PCDH15: variants seen among roughly 807,000 people sequenced by gnomAD.
PCDH15 encodes the protein protocadherin-15.
A neutral mutation model predicts 178.5 loss-of-function variants in PCDH15; 129 were observed. The observed-to-expected ratio is 0.72, with a 90% confidence interval of 0.63 to 0.84. The LOEUF is 0.84. Among genes scored for constraint, PCDH15 ranks in the 40% least tolerant of loss-of-function variants. The pLI is 0.00. For synonymous variants in PCDH15, 800 were observed against 732.0 expected, an observed-to-expected ratio of 1.09 and a Z score of -1.50; for missense variants, 2,230 against 2,099.9, an observed-to-expected ratio of 1.06 and a Z score of -1.21.
chr10:54,616,066 T>G (rs1331782494), intron 2 of PCDH15, among the ~76,000 whole-genome samples: 1 of 152,060 alleles, frequency 6.6e-6, no homozygotes, highest in Non-Finnish European at 1.5e-5. Flanking sequence ...AGAAATAAAT[T>G]TTGATATTTT....
chr10:54,411,152 G>A (rs1311172627), intron 3 of PCDH15, among the ~76,000 whole-genome samples: 1 of 152,104 alleles, frequency 6.6e-6, no homozygotes, highest in East Asian at 1.9e-4. Flanking sequence ...GACCCATGAT[G>A]CTTGGGTGGG....
At chr10:53,895,054 T>C (rs977673402) in intron 26 of PCDH15, among the ~76,000 whole-genome samples, 8 of 152,158 alleles carry the variant, frequency 5.3e-5, no homozygotes, top group African/African-American at 1.9e-4. Context: ...ATTAAAGAGA[T>C]GCTACTTGGG....
intron 3 of PCDH15, among the ~76,000 whole-genome samples, chr10:54,879,998 C>A (rs1164691898): frequency 6.6e-6 from 1 of 152,102 alleles, no homozygotes; most frequent in African/African-American, 2.4e-5. Context: ...CCTATCTACA[C>A]TGTGATCACT....
intron 2 of PCDH15, among the ~76,000 whole-genome samples, chr10:55,386,011 T>C (rs1286988027): frequency 4.6e-5 from 7 of 151,698 alleles, no homozygotes; most frequent in Admixed American, 4.6e-4. Context: ...ATATTAACAA[T>C]GACAGTGAAT....
chr10:54,383,559 AT>A (rs1419504402), intron 3 of PCDH15, among the ~76,000 whole-genome samples: 1 of 150,430 alleles, frequency 6.6e-6, no homozygotes, highest in Non-Finnish European at 1.5e-5. Context: ...ATATTTTATT[AT>A]TTTCAGGCCA....
At chr10:54,810,648 A>C (rs921035641) in intron 3 of PCDH15, among the ~76,000 whole-genome samples, 11 of 152,162 alleles carry the variant, frequency 7.2e-5, no homozygotes, top group Admixed American at 2.6e-4. Flanking sequence ...AACAAGTGTC[A>C]ACCCCTAGAG....
intron 21 of PCDH15, among the ~76,000 whole-genome samples, chr10:53,978,618 C>T (rs117309297): frequency 0.027 from 4,031 of 151,038 alleles, 67 homozygotes; most frequent in Non-Finnish European, 0.04. Flanking sequence ...ATTACTTACG[C>T]AAATTTCTGC....
At position 54,231,654 on chromosome 10, in the gene PCDH15, A is replaced by G. The variant is rs139928029; in HGVS notation, c.985+5169T>C. ...AAACACCAGCCCATGAAATCAGCCAATGGGGCTGTACTGTGCAAAGCCACA... is the reference window on the plus strand; with the variant it reads ...AAACACCAGCCCATGAAATCAGCCAGTGGGGCTGTACTGTGCAAAGCCACA... On this transcript the variant is annotated intron_variant, in intron 9 of 37. Coordinates refer to ENST00000644397, the MANE Select transcript of PCDH15 (RefSeq NM_001384140.1). Among the ~76,000 whole-genome samples, 6 of 152,274 alleles carry G rather than the reference A, an allele frequency of 3.9e-5. No homozygotes were observed. The East Asian group carries it at 7.7e-4, about 20-fold the overall frequency.
intron 20 of PCDH15, among the ~76,000 whole-genome samples, chr10:54,010,231 C>T (rs866910280): frequency 1.4e-5 from 2 of 143,258 alleles, no homozygotes; most frequent in Admixed American, 1.4e-4. Context: ...CCCAACACAG[C>T]GCAGTTTCCT....
At chr10:54,231,084 T>A (rs1349399868) in intron 9 of PCDH15, among the ~76,000 whole-genome samples, 1 of 152,014 alleles carries the variant, frequency 6.6e-6, no homozygotes, top group East Asian at 1.9e-4. Context: ...GATTAAGGGG[T>A]CTACAGATTA....
At chr10:55,107,469 A>ACTGTATT (rs1837380533) in intron 2 of PCDH15, among the ~76,000 whole-genome samples, 2 of 147,446 alleles carry the variant, frequency 1.4e-5, no homozygotes, top group South Asian at 4.3e-4. Flanking sequence ...AAATACAATT[A>ACTGTATT]CTGTATTCTC....
chr10:54,426,891 G>A (rs1956328929), intron 3 of PCDH15, among the ~76,000 whole-genome samples: 1 of 151,180 alleles, frequency 6.6e-6, no homozygotes, highest in African/African-American at 2.4e-5. Flanking sequence ...ATTTAAAATA[G>A]TTTTCCCATG....
intron 23 of PCDH15, among the ~76,000 whole-genome samples, chr10:53,953,549 A>G (rs1273137466): frequency 6.6e-6 from 1 of 152,122 alleles, no homozygotes; most frequent in African/African-American, 2.4e-5. Flanking sequence ...AAATAACATC[A>G]GTTCACAGGA....
chr10:55,121,708 A>G (rs1837777237), intron 2 of PCDH15, among the ~76,000 whole-genome samples: 1 of 152,154 alleles, frequency 6.6e-6, no homozygotes, highest in Non-Finnish European at 1.5e-5. Context: ...GAGAAAGCCA[A>G]CTAGATCCTT....
intron 3 of PCDH15, among the ~76,000 whole-genome samples, chr10:54,421,690 A>ATATATATATATG (rs1301759947): frequency 0.017 from 1,909 of 110,758 alleles, 81 homozygotes; most frequent in South Asian, 0.033. Flanking sequence ...ATATATATAT[A>ATATATATATATG]TATACACACA....
chr10:54,761,659 G>T (rs921520187), intron 1 of PCDH15, among the ~76,000 whole-genome samples: 5 of 151,882 alleles, frequency 3.3e-5, no homozygotes, highest in African/African-American at 1.2e-4. Context: ...CTCCAGCCTG[G>T]GCAACATAGC....
chr10:54,214,817 C>T lies in PCDH15; in HGVS notation c.986-769G>A, dbSNP rs551389016. On this transcript the variant is annotated intron_variant, in intron 9 of 37. Coordinates refer to ENST00000644397, the MANE Select transcript of PCDH15 (RefSeq NM_001384140.1). Reference sequence around the variant, plus strand: ...TGTTGGCCAGGCTGGTCTTGAACTCCCGACATCTGGTGATACACCCACCTC... The same window carrying T: ...TGTTGGCCAGGCTGGTCTTGAACTCTCGACATCTGGTGATACACCCACCTC... Among the ~76,000 whole-genome samples, 5 of 152,200 alleles carry T rather than the reference C, an allele frequency of 3.3e-5. No individual in the cohort carries two copies. The South Asian group carries it at 1.0e-3, about 32-fold the overall frequency.
At chr10:55,365,318 C>A (rs1845328355) in intron 2 of PCDH15, among the ~76,000 whole-genome samples, 1 of 152,132 alleles carries the variant, frequency 6.6e-6, no homozygotes, top group African/African-American at 2.4e-5. Flanking sequence ...GAAGTTATAA[C>A]AAGACCCTGT....
At chr10:54,744,725 TAA>T (rs1566104835) in intron 1 of PCDH15, among the ~76,000 whole-genome samples, 1 of 152,130 alleles carries the variant, frequency 6.6e-6, no homozygotes, top group Non-Finnish European at 1.5e-5. Flanking sequence ...AAGAAAAATG[TAA>T]AGTGTTACAA....
Sources: gnomAD v4.1 joint callset for allele counts (sites outside exome capture counted in the v4.1 genomes callset) on GRCh38, gnomAD v4.1.1 for gene constraint, MANE v1.5 for transcripts, NCBI Gene and HGNC (gene_info 2026-07-23, HGNC 2026-07-21) for gene names.